The following ADGRL2 variants were observed in gnomAD, a reference collection of about 807,000 sequenced individuals.
The protein encoded by ADGRL2 is adhesion G protein-coupled receptor L2.
A neutral mutation model predicts 157.4 loss-of-function variants in ADGRL2; 44 were observed. The ratio of observed to expected loss-of-function variants is 0.28; its 90% CI spans 0.22 to 0.36. ADGRL2 has a LOEUF of 0.36. Among genes scored for constraint, ADGRL2 ranks in the 10% least tolerant of loss-of-function variants. The pLI, the probability that ADGRL2 is intolerant of heterozygous loss-of-function variation, is 1.00. For synonymous variants in ADGRL2, 585 were observed against 624.7 expected (o/e 0.94, Z 0.95); for missense variants, 1,510 against 1,768.9 (o/e 0.85, Z 2.63).
At chr1:81,977,732 A>C (rs551892559) in intron 17 of ADGRL2, among the ~76,000 whole-genome samples, 67 of 151,872 alleles carry the variant, frequency 4.4e-4, no homozygotes, top group Middle Eastern at 3.4e-3. Context: ...TCCCAAGGGA[A>C]TAATTAATAT....
chr1:81,432,694 C>T (rs938982510), intron 1 of ADGRL2, among the ~76,000 whole-genome samples: 2 of 152,168 alleles, frequency 1.3e-5, no homozygotes, highest in African/African-American at 2.4e-5. Flanking sequence ...CCCTCCCCAG[C>T]CCATTTTCAG....
intron 1 of ADGRL2, among the ~76,000 whole-genome samples, chr1:81,810,310 T>C (rs969626010): frequency 8.1e-6 from 1 of 123,258 alleles, no homozygotes; most frequent in Admixed American, 9.2e-5. Context: ...TAATCAGTTT[T>C]CAGCTTCAAT....
At chr1:81,624,253 G>A (rs750523425) in intron 3 of ADGRL2, among the ~76,000 whole-genome samples, 1 of 152,146 alleles carries the variant, frequency 6.6e-6, no homozygotes, top group Non-Finnish European at 1.5e-5. Flanking sequence ...TTAGGTTGGT[G>A]CAAAAGTAAT....
intron 1 of ADGRL2, among the ~76,000 whole-genome samples, chr1:81,733,609 A>T (rs2084797361): frequency 1.3e-5 from 2 of 152,332 alleles, no homozygotes; most frequent in Non-Finnish European, 2.9e-5. Context: ...ATACAGTCAC[A>T]TTCTGAGGTA....
intron 3 of ADGRL2, among the ~76,000 whole-genome samples, chr1:81,594,086 A>G (rs1308159767): frequency 6.6e-6 from 1 of 152,234 alleles, no homozygotes; most frequent in African/African-American, 2.4e-5. Flanking sequence ...TTTTAGATTT[A>G]TAAATATACT....
chr1:81,772,426 T>C (rs140259704), intron 2 of ADGRL2, among the ~76,000 whole-genome samples: 76 of 151,734 alleles, frequency 5.0e-4, no homozygotes, highest in African/African-American at 1.8e-3. Flanking sequence ...TATACAAGCT[T>C]TGGTGAAAAA....
At chr1:81,420,524 T>C (rs2077106170) in intron 1 of ADGRL2, among the ~76,000 whole-genome samples, 1 of 152,222 alleles carries the variant, frequency 6.6e-6, no homozygotes, top group South Asian at 2.1e-4. Context: ...CTCAGCATGA[T>C]TTTTCATACG....
intron 1 of ADGRL2, among the ~76,000 whole-genome samples, chr1:81,444,130 T>C (rs1183295839): frequency 6.6e-6 from 1 of 152,190 alleles, no homozygotes; most frequent in Non-Finnish European, 1.5e-5. Context: ...TAATCCCTTT[T>C]TACCAATGGC....
intron 1 of ADGRL2, among the ~76,000 whole-genome samples, chr1:81,399,849 C>T (rs925143022): frequency 6.6e-6 from 1 of 152,138 alleles, no homozygotes; most frequent in South Asian, 2.1e-4. Context: ...TATTTCCTTG[C>T]TTTTTCATGT....
At chr1:81,882,277 C>A (rs1271510141) in intron 2 of ADGRL2, among the ~76,000 whole-genome samples, 1 of 152,008 alleles carries the variant, frequency 6.6e-6, no homozygotes, top group Admixed American at 6.6e-5. Context: ...TGCTTTCTGG[C>A]AGACCTATTG....
intron 3 of ADGRL2, among the ~76,000 whole-genome samples, chr1:81,626,753 A>G (rs1247014647): frequency 6.6e-6 from 1 of 152,226 alleles, no homozygotes; most frequent in African/African-American, 2.4e-5. Flanking sequence ...CTGTGAAGGA[A>G]TGTTCTACTT....
At chr1:81,795,739 A>T (rs149320323), upstream of ADGRL2, among the ~76,000 whole-genome samples, 113 of 152,304 alleles carry the variant, frequency 7.4e-4, no homozygotes, top group African/African-American at 2.5e-3. Flanking sequence ...CTACTTGGTT[A>T]TCTTTAAGGA....
chr1:81,518,105 G>T (rs1470831756), intron 2 of ADGRL2, among the ~76,000 whole-genome samples: 1 of 152,250 alleles, frequency 6.6e-6, no homozygotes. Flanking sequence ...GGAGAGTTCA[G>T]TTCTGCGTGA....
chr1:81,816,296 T>C (rs1241615618), intron 1 of ADGRL2, among the ~76,000 whole-genome samples: 2 of 151,990 alleles, frequency 1.3e-5, no homozygotes, highest in Non-Finnish European at 3.0e-5. Flanking sequence ...TAAACTCTTA[T>C]GTATGTATAA....
intron 21 of ADGRL2, 48 bp from the exon 22 acceptor site, chr1:81,986,853 C>G: frequency 7.0e-6 from 11 of 1,571,518 alleles, no homozygotes; most frequent in Non-Finnish European, 9.5e-6. Flanking sequence ...AAATAAGAAA[C>G]TGATGTACTT....
intron 3 of ADGRL2, among the ~76,000 whole-genome samples, chr1:81,601,611 G>A (rs958463152): frequency 2.0e-5 from 3 of 152,214 alleles, no homozygotes; most frequent in African/African-American, 7.2e-5. Flanking sequence ...GAAAAAGAGA[G>A]AGAGAGAAGA....
At chr1:81,887,448 G>C (rs546535233) in intron 2 of ADGRL2, among the ~76,000 whole-genome samples, 1 of 152,260 alleles carries the variant, frequency 6.6e-6, no homozygotes, top group East Asian at 1.9e-4. Context: ...TTATGAAAGA[G>C]AGCAAATATC....
Position 81,943,911 on chromosome 1 carries a change from T to G in ADGRL2, c.1210+142T>G. The stretch of plus-strand genomic sequence containing the variant: ...GACAATGTTGTGGTACATTTTAGCC[T>G]TATTATGGTTCGTTTTCTTTTTCTC... On this transcript the variant is annotated intron_variant, in intron 6 of 23. Transcript: ENST00000686636. This position sits in a 1 kb window ranked among gnomAD's most constrained non-coding sequence, Gnocchi z 5.6. 1.6e-6 allele frequency: 1 copy of G among 632,552 alleles called. No individual in the cohort carries two copies. Among genetic ancestry groups the G allele is most frequent in the Non-Finnish European group, 2.7e-6 (1 of 375,416 alleles). The allele number at this position is 632,552 out of a possible 1,614,324, so 39.2% of individuals were successfully genotyped here. A position where few individuals can be genotyped will look rare whatever the true frequency, so the allele number is the denominator to read the frequency against.
intron 2 of ADGRL2, among the ~76,000 whole-genome samples, chr1:81,464,486 T>A (rs2078009028): frequency 6.6e-6 from 1 of 152,202 alleles, no homozygotes; most frequent in Non-Finnish European, 1.5e-5. Context: ...ACTCTGTTAT[T>A]AATGAACTTC....
Sources: allele counts gnomAD v4.1 joint callset (sites outside exome capture counted in the v4.1 genomes callset), GRCh38; gene constraint gnomAD v4.1.1; non-coding constraint Gnocchi (gnomAD v3.1); transcripts MANE v1.5; gene names NCBI Gene and HGNC (gene_info 2026-07-23, HGNC 2026-07-21).